Variants in COBLL1 observed in about 807,000 individuals in gnomAD.
COBLL1 encodes cordon-bleu protein-like 1.
Under a neutral mutation model 94.8 loss-of-function variants are expected in COBLL1, and 50 were observed. The observed-to-expected ratio is 0.53, with a 90% CI of 0.42 to 0.67. The LOEUF (loss-of-function observed/expected upper bound fraction) is 0.67. COBLL1 is among the 30% of genes least tolerant of loss of function. The pLI, the probability that COBLL1 is intolerant of heterozygous loss-of-function variation, is 0.00. For synonymous variants in COBLL1, 448 were observed against 473.8 expected, an observed-to-expected ratio of 0.95 and a Z score of 0.71; for missense variants, 1,362 against 1,348.7, an observed-to-expected ratio of 1.01 and a Z score of -0.15.
intron 2 of COBLL1, among the ~76,000 whole-genome samples, chr2:164,826,427 A>G (rs560676917): frequency 6.6e-6 from 1 of 152,356 alleles, no homozygotes; most frequent in East Asian, 1.9e-4. Context: ...AAATAGTACA[A>G]TAATGATGTC....
In COBLL1 at chr2:164,667,817, T is replaced by C. The variant is rs148092791; in HGVS notation, n.127-1916A>G. On this transcript the variant is annotated intron_variant and non_coding_transcript_variant, in intron 1 of 2. Coordinates refer to the COBLL1 transcript ENST00000495084. Reference sequence around the variant, plus strand: ...CCAGACCACTAAACTGTCTCCATATTAGCAATAAGGCTGCTTTGCTTTCTT... The same window carrying C: ...CCAGACCACTAAACTGTCTCCATATCAGCAATAAGGCTGCTTTGCTTTCTT... 9.8e-3 allele frequency among the ~76,000 whole-genome samples: 1,497 copies of C among 152,318 alleles called. 12 individuals are homozygous for C. Among genetic ancestry groups the C allele is most frequent in the African/African-American group, 0.028 (1,144 of 41,584 alleles).
intron 9 of COBLL1, among the ~76,000 whole-genome samples, chr2:164,702,485 A>G (rs1451212526): frequency 2.0e-5 from 3 of 148,606 alleles, no homozygotes; most frequent in Non-Finnish European, 4.4e-5. Flanking sequence ...AATGGCGTGA[A>G]CCCAGGAGGT....
chr2:164,797,015 A>G (rs1316875099), intron 2 of COBLL1, among the ~76,000 whole-genome samples: 1 of 152,208 alleles, frequency 6.6e-6, no homozygotes, highest in African/African-American at 2.4e-5. Context: ...ATTTAGTGTC[A>G]ATAAAATTAG....
rs530913340 is a variant in COBLL1, at chr2:164,835,183, T to G, written c.41+5973A>C. ...TTTCTAACAACACACCCAAAAGAAC[T>G]GAAAGTAGGGTCTTCAAGAGGTATT... On this transcript the variant is annotated intron_variant, in intron 2 of 13. Transcript: ENST00000652658. 4.6e-5 allele frequency among the ~76,000 whole-genome samples: 7 copies of G among 152,288 alleles called. No homozygotes were observed. In the East Asian group the frequency reaches 1.3e-3, roughly 29 times the overall value.
chr2:164,765,939 T>C (rs1183455487), intron 2 of COBLL1, among the ~76,000 whole-genome samples: 1 of 152,082 alleles, frequency 6.6e-6, no homozygotes, highest in Non-Finnish European at 1.5e-5. Context: ...TTCTTTCTAA[T>C]ATCTCTGCTC....
At chr2:164,793,931 T>C (rs1307358198) in intron 2 of COBLL1, among the ~76,000 whole-genome samples, 1 of 152,216 alleles carries the variant, frequency 6.6e-6, no homozygotes, top group East Asian at 1.9e-4. Context: ...GTATGTGTTT[T>C]AAAATTGTAA....
chr2:164,699,638 T>C, intron 10 of COBLL1, 139 bp from the exon 11 acceptor site: 1 of 520,008 alleles, frequency 1.9e-6, no homozygotes, highest in East Asian at 2.9e-5. Context: ...CATTTATTTC[T>C]GCCAAACATC....
chr2:164,835,303 A>T (rs1408911432), intron 2 of COBLL1, among the ~76,000 whole-genome samples: 2 of 152,196 alleles, frequency 1.3e-5, no homozygotes, highest in African/African-American at 4.8e-5. Context: ...GCAAAATGTG[A>T]TCTATACATA....
rs371402517 is a variant in COBLL1 at position 164,833,307 on chromosome 2, T to C, written c.41+7849A>G. ...AGGCAGAGGTTGCAATGAGCCGAGA[T>C]TGTGCCACTGCACTCCAGCCTGGGC... On this transcript the variant is annotated intron_variant, in intron 2 of 13. Coordinates refer to ENST00000652658, the MANE Select transcript of COBLL1 (RefSeq NM_001365672.2). Among the ~76,000 whole-genome samples the C allele has an allele frequency of 2.3e-4, 35 of 152,206 alleles. No homozygotes were observed. The East Asian group carries it at 5.4e-3, about 24-fold the overall frequency.
chr2:164,756,759 A>G (rs1013448597), intron 2 of COBLL1, among the ~76,000 whole-genome samples: 1 of 152,150 alleles, frequency 6.6e-6, no homozygotes, highest in African/African-American at 2.4e-5. Flanking sequence ...AGGGTAATAA[A>G]AAAAGATACA....
intron 2 of COBLL1, among the ~76,000 whole-genome samples, chr2:164,768,163 A>C (rs1043895577): frequency 6.6e-6 from 1 of 152,194 alleles, no homozygotes; most frequent in African/African-American, 2.4e-5. Context: ...TAGTTTGTCC[A>C]AACAAGTGCA....
intron 3 of COBLL1, among the ~76,000 whole-genome samples, chr2:164,740,837 C>T (rs1686548937): frequency 1.3e-5 from 2 of 152,156 alleles, no homozygotes; most frequent in African/African-American, 4.8e-5. Context: ...AAATATGTCA[C>T]CTGAGCTATA....
At chr2:164,687,798 G>A (rs1465441759) in intron 13 of COBLL1, 5 of 446,260 alleles carry the variant, frequency 1.1e-5, no homozygotes, top group Non-Finnish European at 2.0e-5. Context: ...TTCCATTGTG[G>A]AACCTTGGTC....
intron 2 of COBLL1, among the ~76,000 whole-genome samples, chr2:164,662,465 G>A (rs1038134167): frequency 3.3e-4 from 50 of 152,180 alleles, no homozygotes; most frequent in African/African-American, 1.1e-3. Context: ...AGTACTCCCT[G>A]TGTAACATGG....
chr2:164,818,261 T>C (rs1374774418), intron 2 of COBLL1, among the ~76,000 whole-genome samples: 5 of 150,566 alleles, frequency 3.3e-5, no homozygotes, highest in Admixed American at 2.6e-4. Flanking sequence ...CATATACACA[T>C]ATACACGTAT....
intron 2 of COBLL1, among the ~76,000 whole-genome samples, chr2:164,770,133 G>A (rs189743886): frequency 2.0e-5 from 3 of 152,108 alleles, no homozygotes; most frequent in Admixed American, 1.3e-4. Flanking sequence ...GAGTTAACTC[G>A]TCCTCAGTTA....
At chr2:164,755,789 C>T (rs373003985) in intron 2 of COBLL1, among the ~76,000 whole-genome samples, 1 of 152,266 alleles carries the variant, frequency 6.6e-6, no homozygotes, top group East Asian at 1.9e-4. Context: ...CTTCTAAATG[C>T]CCTTTTAAAT....
chr2:164,702,827 G>T (rs1684378681), intron 9 of COBLL1, among the ~76,000 whole-genome samples: 1 of 151,942 alleles, frequency 6.6e-6, no homozygotes, highest in East Asian at 2.0e-4. Context: ...TGTTTTCAAA[G>T]TGACCCCTCA....
intron 2 of COBLL1, among the ~76,000 whole-genome samples, chr2:164,760,939 AG>A (rs1648708905): frequency 1.3e-5 from 2 of 152,174 alleles, no homozygotes; most frequent in Non-Finnish European, 2.9e-5. Flanking sequence ...ACTAAAATAA[AG>A]GCAAAGATAT....
Sources: allele counts gnomAD v4.1 joint callset (sites outside exome capture counted in the v4.1 genomes callset), GRCh38; gene constraint gnomAD v4.1.1; transcripts MANE v1.5; gene names NCBI Gene and HGNC (gene_info 2026-07-23, HGNC 2026-07-21).